ATP2A3: variants seen among roughly 807,000 people sequenced by gnomAD.
The protein encoded by ATP2A3 is sarcoplasmic/endoplasmic reticulum calcium ATPase 3.
A neutral mutation model predicts 106.8 loss-of-function variants in ATP2A3; 61 were observed. The ratio of observed to expected loss-of-function variants is 0.57; its 90% confidence interval spans 0.46 to 0.71. The LOEUF (loss-of-function observed/expected upper bound fraction) is 0.71, where lower values mean the gene tolerates loss of function less well. Among genes scored for constraint, ATP2A3 ranks in the 30% least tolerant of loss-of-function variants. The pLI is 0.00. For synonymous variants in ATP2A3, 611 were observed against 609.3 expected, an observed-to-expected ratio of 1.00 and a Z score of -0.04; for missense variants, 1,201 against 1,423.5, an observed-to-expected ratio of 0.84 and a Z score of 2.52.
intron 1 of ATP2A3, among the ~76,000 whole-genome samples, chr17:3,959,938 A>C (rs2055048148): frequency 6.6e-6 from 1 of 152,202 alleles, no homozygotes; most frequent in African/African-American, 2.4e-5. Flanking sequence ...CTTAGGGTGT[A>C]AGAGGGTGAG....
Position 3,929,557 on chromosome 17 carries a change from C to T in ATP2A3, c.2745-112G>A, listed in dbSNP as rs1013394690. 14 of 927,788 alleles carry T rather than the reference C, an allele frequency of 1.5e-5. No individual in the cohort carries two copies. The highest frequency in any genetic ancestry group is 8.8e-5 in the Admixed American group (4 of 45,644). 57.5% of individuals were successfully genotyped at this position (927,788 alleles called of 1,614,324 possible). On this transcript the variant is annotated intron_variant, in intron 18 of 20. Coordinates refer to ENST00000397041, the MANE Select transcript of ATP2A3 (RefSeq NM_005173.4). The surrounding 1 kb of genome is among the most constrained non-coding windows in gnomAD (Gnocchi z 4.3). ...TCTCTAGCGGTGCATTGCTGTTGCC[C>T]GCTCGGCCTGCCAGGGCCTGTCCCG...
rs35377738 is a variant in ATP2A3, at chr17:3,946,242, C to CA, written c.1096-1095dup. Among the ~76,000 whole-genome samples the CA allele has an allele frequency of 9.3e-3, 1,013 of 109,224 alleles. 6 individuals carry two copies. The highest frequency in any genetic ancestry group is 0.037 in the East Asian group (99 of 2,648). The allele number at this position is 109,224 out of a possible 152,430, so 71.7% of individuals were successfully genotyped here. ...CTGGCAACAGAGTGAGACTCCATCT[C>CA]AAAAAAAAAAAAAAAAAAATTTATT... On this transcript the variant is annotated intron_variant, in intron 8 of 20. Coordinates refer to ENST00000397041, the MANE Select transcript of ATP2A3 (RefSeq NM_005173.4).
In ATP2A3 at chr17:3,953,578, T is replaced by C; in HGVS notation, c.136+115A>G. 1 of 1,505,200 alleles carries C rather than the reference T, an allele frequency of 6.6e-7. No individual in the cohort carries two copies. Among genetic ancestry groups the C allele is most frequent in the Non-Finnish European group, 9.1e-7 (1 of 1,102,440 alleles). 93.2% of individuals were successfully genotyped at this position (1,505,200 alleles called of 1,614,324 possible). ...GTCGCTGAGAGGCTCAGGTGGGTGA[T>C]CCTGGGGAGCTCAGCAAGGCCTCAC... is the stretch of plus-strand genomic sequence containing the variant. On this transcript the variant is annotated intron_variant, in intron 2 of 20. Coordinates refer to ENST00000397041, the MANE Select transcript of ATP2A3 (RefSeq NM_005173.4). The surrounding 1 kb of genome is among the most constrained non-coding windows in gnomAD (Gnocchi z 5.1).
chr17:3,926,710 T>C lies in ATP2A3; in HGVS notation c.2981-1269A>G, dbSNP rs1035217516. ...TCAGCCTCCCGAGTAGCTGGGATTATAGGCACCTGCCACCACGCCCAGCTA... is the reference window on the plus strand; with the variant it reads ...TCAGCCTCCCGAGTAGCTGGGATTACAGGCACCTGCCACCACGCCCAGCTA... On this transcript the variant is annotated intron_variant, in intron 20 of 20. Transcript: ENST00000397041. This position sits in a 1 kb window ranked among gnomAD's most constrained non-coding sequence, Gnocchi z 4.6. The C allele has an allele frequency of 1.7e-4, 46 of 275,780 alleles. No homozygotes were observed. The highest frequency in any genetic ancestry group is 2.6e-4 in the Admixed American group (4 of 15,394). The allele number at this position is 275,780 out of a possible 1,614,324, so 17.1% of individuals were successfully genotyped here.
rs1311122665 is a variant in ATP2A3 at position 3,924,921 on chromosome 17, AT to A, written c.*500del. The A allele has an allele frequency of 5.3e-5, 24 of 450,604 alleles. No individual in the cohort carries two copies. The highest frequency in any genetic ancestry group is 3.3e-4 in the Middle Eastern group (1 of 3,028). The allele number at this position is 450,604 out of a possible 1,614,324, so 27.9% of individuals were successfully genotyped here. A position where few individuals can be genotyped will look rare whatever the true frequency, so the allele number is the denominator to read the frequency against. ...AGCTGGGCCCAGATGGCCCCTTCTG[AT>A]CCCCCAGGGCTGACCCAGTCCCAGA... On this transcript the variant is annotated 3_prime_UTR_variant, in exon 21 of 21. Transcript: ENST00000397041. This position sits in a 1 kb window ranked among gnomAD's most constrained non-coding sequence, Gnocchi z 6.4.
At position 3,941,262 on chromosome 17, in the gene ATP2A3, C is replaced by T. The variant is rs780242076; in HGVS notation, c.1809G>A (p.Pro603=). The change falls in exon 14 of 21, where the codon CCG becomes CCA. Residue 603 remains proline, a synonymous_variant. Coordinates refer to ENST00000397041, the MANE Select transcript of ATP2A3 (RefSeq NM_005173.4). ...TGATGCAGGCAGCCACCTCAGGTCG[C>T]GGCGGGTCCAGCATGCCTACGCAGC... is the stretch of plus-strand genomic sequence containing the variant. ...FVGCVGMLDP[P]RPEVAACITR... The T allele has an allele frequency of 5.6e-6, 9 of 1,613,714 alleles. No individual in the cohort carries two copies. Among genetic ancestry groups the T allele is most frequent in the Middle Eastern group, 1.6e-4 (1 of 6,084 alleles).
intron 11 of ATP2A3, among the ~76,000 whole-genome samples, 154 bp from the exon 12 acceptor site, chr17:3,942,885 C>G (rs1485819410): frequency 2.6e-5 from 4 of 152,226 alleles, no homozygotes; most frequent in Non-Finnish European, 5.9e-5. Context: ...CCATTTCCCT[C>G]TCCAGCCCCA....
In ATP2A3 at chr17:3,955,196, C is replaced by T. The variant is rs1011955727; in HGVS notation, c.119-1486G>A. On this transcript the variant is annotated intron_variant, in intron 1 of 20. Coordinates refer to ENST00000397041, the MANE Select transcript of ATP2A3 (RefSeq NM_005173.4). The surrounding 1 kb of genome is among the most constrained non-coding windows in gnomAD (Gnocchi z 4.2). ...TCTGAGGCCCCGGCCATGGCTGGCTCTCTTCCACCTCCTTCTTCCTGACAC... is the reference window on the plus strand; with the variant it reads ...TCTGAGGCCCCGGCCATGGCTGGCTTTCTTCCACCTCCTTCTTCCTGACAC... Among the ~76,000 whole-genome samples, 1 of 152,356 alleles carries T rather than the reference C, an allele frequency of 6.6e-6. No individual in the cohort carries two copies. Among genetic ancestry groups the T allele is most frequent in the Non-Finnish European group, 1.5e-5 (1 of 68,028 alleles).
At chr17:3,932,291 C>A (rs1402621334) in intron 17 of ATP2A3, among the ~76,000 whole-genome samples, 1 of 152,014 alleles carries the variant, frequency 6.6e-6, no homozygotes, top group African/African-American at 2.4e-5. Context: ...CTACAGGCAC[C>A]CGCCACCACC....
At chr17:3,950,824 G>C (rs1344856872) in intron 5 of ATP2A3, 51 bp from the exon 6 acceptor site, 1 of 1,572,180 alleles carries the variant, frequency 6.4e-7, no homozygotes, top group South Asian at 1.1e-5. Flanking sequence ...ACCACCAGCT[G>C]GGAAAAGCCA....
At chr17:3,940,883 G>T in intron 14 of ATP2A3, 88 bp downstream of exon 14, 1 of 1,416,952 alleles carries the variant, frequency 7.1e-7, no homozygotes, top group East Asian at 2.3e-5. Context: ...TAAGAATGAG[G>T]CAGAGGGGAG....
In ATP2A3 at chr17:3,925,286, C is replaced by G. The variant is rs1188701234; in HGVS notation, c.*136G>C. Reference sequence around the variant, plus strand: ...GGGGCCCGGGGATGGCCATTCTGACCTCGGGCCTGTCATTTATCCGGCGGG... The same window carrying G: ...GGGGCCCGGGGATGGCCATTCTGACGTCGGGCCTGTCATTTATCCGGCGGG... On this transcript the variant is annotated 3_prime_UTR_variant, in exon 21 of 21. Coordinates refer to ENST00000397041, the MANE Select transcript of ATP2A3 (RefSeq NM_005173.4). This position sits in a 1 kb window ranked among gnomAD's most constrained non-coding sequence, Gnocchi z 4.2. The G allele has an allele frequency of 6.7e-7, 1 of 1,495,274 alleles. No individual in the cohort carries two copies. The highest frequency in any genetic ancestry group is 9.2e-7 in the Non-Finnish European group (1 of 1,088,418). The allele number at this position is 1,495,274 out of a possible 1,614,324, so 92.6% of individuals were successfully genotyped here.
At position 3,928,410 on chromosome 17, in the gene ATP2A3, GA is replaced by G; in HGVS notation, c.2980+252del. The G allele has an allele frequency of 7.4e-7, 1 of 1,352,902 alleles. No homozygotes were observed. The highest frequency in any genetic ancestry group is 1.0e-6 in the Non-Finnish European group (1 of 964,680). 83.8% of individuals were successfully genotyped at this position (1,352,902 alleles called of 1,614,324 possible). Reference sequence around the variant, plus strand: ...GTAGGGGGTGGCAGGTGAAGACAGTGAGGCAGTGTGGCCCAAGAGGTGCTCC... The same window carrying G: ...GTAGGGGGTGGCAGGTGAAGACAGTGGGCAGTGTGGCCCAAGAGGTGCTCC... On this transcript the variant is annotated intron_variant, in intron 20 of 20. Transcript: ENST00000397041. This position sits in a 1 kb window ranked among gnomAD's most constrained non-coding sequence, Gnocchi z 6.1.
chr17:3,931,667 GC>G (rs2053102084), intron 17 of ATP2A3, among the ~76,000 whole-genome samples: 1 of 151,686 alleles, frequency 6.6e-6, no homozygotes, highest in Non-Finnish European at 1.5e-5. Flanking sequence ...GACTACAGGC[GC>G]CCGCCACCAC....
chr17:3,935,240 C>T lies in ATP2A3; in HGVS notation c.2562G>A (p.Trp854Ter). 1 of 1,613,828 alleles carries T rather than the reference C, an allele frequency of 6.2e-7. No individual in the cohort carries two copies. Among genetic ancestry groups the T allele is most frequent in the Non-Finnish European group, 8.5e-7 (1 of 1,180,032 alleles). The part of the protein sequence containing the change: ...VGLATVAAAT[W>*]WFVYDAEGPH... Reference sequence around the variant, plus strand: ...GTCCCTCGGCGTCATACACAAACCACCAGGTGGCGGCAGCCACTGTGGCCA... The same window carrying T: ...GTCCCTCGGCGTCATACACAAACCATCAGGTGGCGGCAGCCACTGTGGCCA... The change falls in exon 17 of 21, where the codon TGG (tryptophan) becomes TGA (stop). Residue 854 changes from tryptophan to a stop codon, truncating the protein, a stop_gained. Transcript: ENST00000397041. LOFTEE classifies it high-confidence loss of function.
chr17:3,927,318 C>T (rs1331334875), intron 20 of ATP2A3: 4 of 985,364 alleles, frequency 4.1e-6, no homozygotes, highest in East Asian at 1.1e-4. Context: ...AATTTTCTCA[C>T]TTTTAAGTTT....
Position 3,936,643 on chromosome 17 carries a change from G to T in ATP2A3, c.2322-174C>A. On this transcript the variant is annotated intron_variant, in intron 15 of 20. Transcript: ENST00000397041. This position sits in a 1 kb window ranked among gnomAD's most constrained non-coding sequence, Gnocchi z 5.4. ...GTGTGTGTACACAGCTCTGCCTCGG[G>T]CCTGGCCAGTCCTGCCTTCCCCAGT... 1.4e-6 allele frequency: 1 copy of T among 715,870 alleles called. No individual in the cohort carries two copies. The highest frequency in any genetic ancestry group is 2.4e-6 in the Non-Finnish European group (1 of 412,750). 44.3% of individuals were successfully genotyped at this position (715,870 alleles called of 1,614,324 possible). A position where few individuals can be genotyped will look rare whatever the true frequency, so the allele number is the denominator to read the frequency against.
In ATP2A3 at chr17:3,936,289, G is replaced by A. The variant is rs1345953560; in HGVS notation, c.2502C>T (p.Phe834=). 7 of 1,613,946 alleles carry A rather than the reference G, an allele frequency of 4.3e-6. No individual in the cohort carries two copies. In the Admixed American group the frequency reaches 1.2e-4, roughly 27 times the overall value. Residue 834 remains phenylalanine (F), a synonymous_variant, in exon 16 of 21, where the codon TTC becomes TTT. Transcript: ENST00000397041. This position sits in a 1 kb window ranked among gnomAD's most constrained non-coding sequence, Gnocchi z 5.4. The part of the protein sequence containing the change: ...PREALISGWL[F]FRYLAIGVYV... ...CACCTCCGATAGCCAGGTATCGGAA[G>A]AAGAGCCAGCCACTGATGAGGGCTT...
intron 1 of ATP2A3, among the ~76,000 whole-genome samples, chr17:3,954,739 C>T (rs2054668408): frequency 6.6e-6 from 1 of 152,072 alleles, no homozygotes; most frequent in Non-Finnish European, 1.5e-5. Flanking sequence ...TTGTGATCTG[C>T]CCGCCTCGGC....
Sources: gnomAD v4.1 joint callset for allele counts (sites outside exome capture counted in the v4.1 genomes callset) on GRCh38, gnomAD v4.1.1 for gene constraint, Gnocchi (gnomAD v3.1) non-coding constraint, MANE v1.5 for transcripts, NCBI Gene and HGNC (gene_info 2026-07-23, HGNC 2026-07-21) for gene names.